Variants in TRAPPC9 observed in about 807,000 individuals in gnomAD.
TRAPPC9 encodes the protein trafficking protein particle complex subunit 9.
TRAPPC9 carries 83 observed loss-of-function variants against 124.0 expected under a neutral mutation model. That is an observed-to-expected ratio of 0.67 (90% CI 0.56 to 0.80). The LOEUF is 0.80. Among genes scored for constraint, TRAPPC9 ranks in the 30% least tolerant of loss-of-function variants. The pLI is 0.00. For missense variants in TRAPPC9, 1,302 were observed against 1,508.3 expected (o/e 0.86, Z 2.27); for synonymous variants, 638 against 617.5 (o/e 1.03, Z -0.49).
chr8:139,919,294 T>C (rs547477045), intron 19 of TRAPPC9, among the ~76,000 whole-genome samples: 2 of 152,308 alleles, frequency 1.3e-5, no homozygotes, highest in South Asian at 2.1e-4. Context: ...GGATCTCCTA[T>C]ATTGCAGGGC....
chr8:139,864,338 T>C (rs1390300001), intron 21 of TRAPPC9, among the ~76,000 whole-genome samples: 2 of 152,318 alleles, frequency 1.3e-5, no homozygotes, highest in East Asian at 3.9e-4. Flanking sequence ...TTCGGGGATA[T>C]AAAAATTCCT....
intron 17 of TRAPPC9, among the ~76,000 whole-genome samples, chr8:140,120,577 T>A (rs2060965487): frequency 6.6e-6 from 1 of 151,484 alleles, no homozygotes; most frequent in Non-Finnish European, 1.5e-5. Flanking sequence ...CCAACATCCA[T>A]CCATCCATTC....
intron 21 of TRAPPC9, among the ~76,000 whole-genome samples, chr8:139,771,933 C>T (rs1820994114): frequency 6.6e-6 from 1 of 152,232 alleles, no homozygotes; most frequent in Non-Finnish European, 1.5e-5. Flanking sequence ...AGTCTCCGCC[C>T]AGCATGGATC....
chr8:140,307,834 T>G (rs1488275207), intron 10 of TRAPPC9, among the ~76,000 whole-genome samples: 4 of 152,188 alleles, frequency 2.6e-5, no homozygotes, highest in Non-Finnish European at 5.9e-5. Flanking sequence ...TGTAGATGTG[T>G]TATCTGGAGC....
intron 21 of TRAPPC9, among the ~76,000 whole-genome samples, chr8:139,803,201 T>G (rs1250819117): frequency 6.6e-6 from 1 of 151,940 alleles, no homozygotes; most frequent in Non-Finnish European, 1.5e-5. Context: ...TGCATCCATG[T>G]GTGAATGTGT....
intron 9 of TRAPPC9, among the ~76,000 whole-genome samples, chr8:140,312,457 C>G (rs754574450): frequency 2.0e-5 from 3 of 152,030 alleles, no homozygotes; most frequent in Non-Finnish European, 2.9e-5. Flanking sequence ...AGAGGAGTGC[C>G]TATATCAGGA....
intron 9 of TRAPPC9, among the ~76,000 whole-genome samples, chr8:140,340,984 A>T (rs901885854): frequency 6.6e-6 from 1 of 152,232 alleles, no homozygotes; most frequent in Admixed American, 6.5e-5. Context: ...TTCTTTATAT[A>T]CACTGTTTCT....
chr8:139,787,165 C>T (rs1396723816), intron 21 of TRAPPC9, among the ~76,000 whole-genome samples: 3 of 152,138 alleles, frequency 2.0e-5, no homozygotes, highest in African/African-American at 4.8e-5. Flanking sequence ...AGCGAGCTGA[C>T]GGGCGTGAGT....
At chr8:140,103,186 T>C (rs1184118618) in intron 17 of TRAPPC9, among the ~76,000 whole-genome samples, 2 of 152,180 alleles carry the variant, frequency 1.3e-5, no homozygotes, top group Admixed American at 1.3e-4. Context: ...CTTAATTACA[T>C]CAGCGCTCTC....
intron 17 of TRAPPC9, among the ~76,000 whole-genome samples, chr8:140,112,205 C>T (rs969248340): frequency 3.3e-5 from 5 of 151,486 alleles, no homozygotes; most frequent in Admixed American, 6.6e-5. Flanking sequence ...GAATTCCAGA[C>T]GATGGTGGGA....
In TRAPPC9 at chr8:140,287,553, A is replaced by G. The variant is rs1009441805; in HGVS notation, c.1981+55T>C. The G allele has an allele frequency of 3.1e-5, 50 of 1,611,678 alleles. No homozygotes were observed. The African/African-American group carries it at 4.4e-4, about 14-fold the overall frequency. On this transcript the variant is annotated intron_variant, in intron 13 of 22. Coordinates refer to ENST00000438773, the MANE Select transcript of TRAPPC9 (RefSeq NM_001160372.4). ...ATCGGCTCTGGACCTCATGGAGGCC[A>G]TGCAAGGGTTCAGCAGACCCTCCTG...
rs368183436 is a variant in TRAPPC9, at chr8:140,093,285, G to C, written c.2557-69206C>G. Among the ~76,000 whole-genome samples the C allele has an allele frequency of 2.6e-5, 4 of 152,280 alleles. No homozygotes were observed. In the South Asian group the frequency reaches 8.3e-4, roughly 32 times the overall value. The stretch of plus-strand genomic sequence containing the variant: ...TCCCTGTGAGGCTGGAGTTCTACTG[G>C]TGTTCCTTGCCTAGTCTTGGGAATA... On this transcript the variant is annotated intron_variant, in intron 17 of 22. Transcript: ENST00000438773.
chr8:140,344,915 T>C (rs1588184443), intron 9 of TRAPPC9, among the ~76,000 whole-genome samples: 1 of 152,222 alleles, frequency 6.6e-6, no homozygotes, highest in African/African-American at 2.4e-5. Context: ...ATCTGGGATG[T>C]GCTGAGGCAG....
In TRAPPC9 at chr8:140,162,706, G is replaced by A. The variant is rs556890346; in HGVS notation, c.2556+58753C>T. Among the ~76,000 whole-genome samples, 29 of 152,328 alleles carry A rather than the reference G, an allele frequency of 1.9e-4. No individual in the cohort carries two copies. The South Asian group carries it at 6.0e-3, about 32-fold the overall frequency. ...AACTCCTCACTTAAAAATGGTTACAGGGGCCGGCACAGTGGCTCATGCTGT... is the reference window on the plus strand; with the variant it reads ...AACTCCTCACTTAAAAATGGTTACAAGGGCCGGCACAGTGGCTCATGCTGT... On this transcript the variant is annotated intron_variant, in intron 17 of 22. Transcript: ENST00000438773.
chr8:139,983,458 C>G (rs1266719911), intron 19 of TRAPPC9, among the ~76,000 whole-genome samples: 1 of 151,592 alleles, frequency 6.6e-6, no homozygotes, highest in Non-Finnish European at 1.5e-5. Context: ...GCTCTGCATT[C>G]TCCTCACACT....
chr8:139,931,039 A>T (rs1167684976), intron 19 of TRAPPC9: 2 of 152,130 alleles, frequency 1.3e-5, no homozygotes, highest in Non-Finnish European at 2.9e-5. Context: ...AGCAACCCCG[A>T]GGCCCTGGCT....
chr8:140,309,275 C>T (rs1229411746), intron 10 of TRAPPC9, among the ~76,000 whole-genome samples: 3 of 152,368 alleles, frequency 2.0e-5, no homozygotes, highest in Non-Finnish European at 4.4e-5. Flanking sequence ...TGTGCCTCTG[C>T]TCAGCTGAAA....
chr8:140,072,466 C>T lies in TRAPPC9; in HGVS notation c.2557-48387G>A, dbSNP rs1019879054. Among the ~76,000 whole-genome samples, 10 of 151,142 alleles carry T rather than the reference C, an allele frequency of 6.6e-5. No homozygotes were observed. The East Asian group carries it at 9.8e-4, about 15-fold the overall frequency. The stretch of plus-strand genomic sequence containing the variant: ...GCGGGAGGCAGAGCTTGCAGTGAGC[C>T]GAGACTGCGCCACTGCACCCCAGTC... On this transcript the variant is annotated intron_variant, in intron 17 of 22. Transcript: ENST00000438773.
chr8:139,979,832 G>A (rs1263735331), intron 19 of TRAPPC9, among the ~76,000 whole-genome samples: 1 of 152,132 alleles, frequency 6.6e-6, no homozygotes. Flanking sequence ...GGCCTAAAGC[G>A]GGGCTTGAGG....
Sources: gnomAD v4.1 joint callset for allele counts (sites outside exome capture counted in the v4.1 genomes callset) on GRCh38, gnomAD v4.1.1 for gene constraint, MANE v1.5 for transcripts, NCBI Gene and HGNC (gene_info 2026-07-23, HGNC 2026-07-21) for gene names.